Variants in ERP44 observed in about 807,000 individuals in gnomAD.
ERP44 encodes endoplasmic reticulum resident protein 44.
ERP44 carries 25 observed loss-of-function variants against 53.4 expected under a neutral mutation model. The ratio of observed to expected loss-of-function variants is 0.47; its 90% CI spans 0.34 to 0.65. ERP44 has a LOEUF of 0.65. ERP44 is among the 30% of genes least tolerant of loss of function. The pLI is 0.01. For missense variants in ERP44, 338 were observed against 493.2 expected, an observed-to-expected ratio of 0.69 and a Z score of 2.98; for synonymous variants, 145 against 161.2, an observed-to-expected ratio of 0.90 and a Z score of 0.76.
chr9:99,987,522 G>A (rs996478481), intron 10 of ERP44, among the ~76,000 whole-genome samples: 2 of 152,184 alleles, frequency 1.3e-5, no homozygotes, highest in African/African-American at 2.4e-5. Flanking sequence ...TTTGACAAAT[G>A]AATACAAGGT....
intron 1 of ERP44, among the ~76,000 whole-genome samples, chr9:100,079,762 C>T (rs1826401691): frequency 6.6e-6 from 1 of 151,916 alleles, no homozygotes; most frequent in Non-Finnish European, 1.5e-5. Context: ...AGCAAGACCC[C>T]TCTCTCACTG....
chr9:100,049,813 T>C (rs905792001), intron 4 of ERP44, among the ~76,000 whole-genome samples: 4 of 152,200 alleles, frequency 2.6e-5, no homozygotes, highest in Admixed American at 2.6e-4. Context: ...TATCTGAATG[T>C]TTATAACAGC....
At position 100,022,246 on chromosome 9, in the gene ERP44, T is replaced by A; in HGVS notation, c.287-20A>T. 8 of 1,596,958 alleles carry A rather than the reference T, an allele frequency of 5.0e-6. No homozygotes were observed. Among genetic ancestry groups the A allele is most frequent in the Non-Finnish European group, 6.8e-6 (8 of 1,171,226 alleles). On this transcript the variant is annotated intron_variant, in intron 4 of 11. Transcript: ENST00000262455. ...TGTCAGCTAAAAGAATGAAAAAAAATTATTTACCCTCATATGTAGTCAGGG... is the reference window on the plus strand; with the variant it reads ...TGTCAGCTAAAAGAATGAAAAAAAAATATTTACCCTCATATGTAGTCAGGG...
intron 4 of ERP44, among the ~76,000 whole-genome samples, chr9:100,045,049 C>G (rs1825952177): frequency 6.6e-6 from 1 of 152,092 alleles, no homozygotes; most frequent in Admixed American, 6.5e-5. Context: ...AGTCTGGCTC[C>G]CTCCATTTAC....
intron 6 of ERP44, among the ~76,000 whole-genome samples, chr9:100,018,610 A>G (rs1396100116): frequency 1.3e-5 from 2 of 152,170 alleles, no homozygotes; most frequent in African/African-American, 2.4e-5. Flanking sequence ...GTTTGGTCAC[A>G]TGGACTAATT....
intron 1 of ERP44, among the ~76,000 whole-genome samples, chr9:100,096,402 T>C (rs1826629509): frequency 6.6e-6 from 1 of 151,650 alleles, no homozygotes; most frequent in African/African-American, 2.4e-5. Context: ...CAAATAAATA[T>C]ATATATAAAA....
intron 1 of ERP44, among the ~76,000 whole-genome samples, chr9:100,064,728 A>G (rs900297159): frequency 4.6e-5 from 7 of 152,196 alleles, no homozygotes; most frequent in South Asian, 2.1e-4. Context: ...TGAAGCTGAA[A>G]AATTCCTGGA....
intron 10 of ERP44, among the ~76,000 whole-genome samples, chr9:99,993,975 G>C (rs1278030283): frequency 6.6e-6 from 1 of 152,194 alleles, no homozygotes. Context: ...ACACCAGTTA[G>C]AATGGCAATC....
chr9:99,999,160 CCCCCCGACCCTGT>C, intron 10 of ERP44: 1 of 538,038 alleles, frequency 1.9e-6, no homozygotes, highest in Non-Finnish European at 3.3e-6. Context: ...CAGGGCTCCG[CCCCCCGACCCTGT>C]CCCCCGCCCC....
At position 100,016,366 on chromosome 9, in the gene ERP44, T is replaced by A; in HGVS notation, c.718A>T (p.Lys240Ter). 1 of 1,613,160 alleles carries A rather than the reference T, an allele frequency of 6.2e-7. No homozygotes were observed. Among genetic ancestry groups the A allele is most frequent in the Non-Finnish European group, 8.5e-7 (1 of 1,179,688 alleles). ...FDVTYNWIQD[K>*]CVPLVREITF... Reference sequence around the variant, plus strand: ...ATTTCTCGGACAAGAGGAACACATTTATCTTGAATCCAATTGTAAGTCACA... The same window carrying A: ...ATTTCTCGGACAAGAGGAACACATTAATCTTGAATCCAATTGTAAGTCACA... Residue 240 changes from lysine to a stop codon, truncating the protein, a stop_gained, in exon 8 of 12, where the codon AAA becomes TAA. Transcript: ENST00000262455. LOFTEE classifies it high-confidence loss of function.
intron 4 of ERP44, among the ~76,000 whole-genome samples, chr9:100,023,901 T>C (rs1040570914): frequency 2.0e-5 from 3 of 152,176 alleles, no homozygotes; most frequent in Non-Finnish European, 4.4e-5. Flanking sequence ...ATGCCTGTAA[T>C]CCCAGAAGTT....
chr9:100,058,432 G>A (rs541942883), intron 2 of ERP44, among the ~76,000 whole-genome samples: 14 of 152,232 alleles, frequency 9.2e-5, no homozygotes, highest in African/African-American at 3.4e-4. Flanking sequence ...TCCAGATAAG[G>A]CAAGTAAGCT....
At chr9:100,009,715 A>C (rs1189087431) in intron 8 of ERP44, among the ~76,000 whole-genome samples, 1 of 152,160 alleles carries the variant, frequency 6.6e-6, no homozygotes, top group East Asian at 1.9e-4. Flanking sequence ...TACAAAATCC[A>C]AGCCTAGGTT....
In ERP44 at chr9:100,063,075, C is replaced by CAAAA. The variant is rs58004954; in HGVS notation, c.58-2907_58-2904dup. Among the ~76,000 whole-genome samples, 142 of 40,060 alleles carry CAAAA rather than the reference C, an allele frequency of 3.5e-3. 23 individuals carry two copies. Among genetic ancestry groups the CAAAA allele is most frequent in the East Asian group, 7.9e-3 (6 of 756 alleles). 26.3% of individuals were successfully genotyped at this position (40,060 alleles called of 152,430 possible). On this transcript the variant is annotated intron_variant, in intron 1 of 11. Coordinates refer to ENST00000262455, the MANE Select transcript of ERP44 (RefSeq NM_015051.3). ...GATGACAGAACAGGACCCTGTCTCA[C>CAAAA]AAAAAAAAAAAAAAAAAAGAGAGAG...
chr9:100,081,980 A>C (rs1826431973), intron 1 of ERP44, among the ~76,000 whole-genome samples: 1 of 152,190 alleles, frequency 6.6e-6, no homozygotes, highest in Non-Finnish European at 1.5e-5. Context: ...TAAGATTAAT[A>C]TACAAAATTA....
intron 1 of ERP44, among the ~76,000 whole-genome samples, chr9:100,073,854 C>G (rs774538225): frequency 6.6e-6 from 1 of 152,160 alleles, no homozygotes; most frequent in African/African-American, 2.4e-5. Flanking sequence ...GTCCAGGAAA[C>G]AGAAACACAA....
In ERP44 at chr9:100,065,863, G is replaced by A. The variant is rs1404835315; in HGVS notation, c.58-5691C>T. 4.6e-5 allele frequency among the ~76,000 whole-genome samples: 7 copies of A among 152,336 alleles called. No individual in the cohort carries two copies. The South Asian group carries it at 1.4e-3, about 32-fold the overall frequency. The stretch of plus-strand genomic sequence containing the variant: ...AGATTTCTAATTCATAGACGCATTA[G>A]CTAGGTGTCAAGTGTTTTCTTAGAA... On this transcript the variant is annotated intron_variant, in intron 1 of 11. Coordinates refer to ENST00000262455, the MANE Select transcript of ERP44 (RefSeq NM_015051.3).
intron 4 of ERP44, among the ~76,000 whole-genome samples, chr9:100,042,454 T>C (rs1178720094): frequency 6.6e-6 from 1 of 152,220 alleles, no homozygotes; most frequent in Non-Finnish European, 1.5e-5. Flanking sequence ...CTTGCACTGT[T>C]GGTAGGAATG....
intron 10 of ERP44, among the ~76,000 whole-genome samples, chr9:99,997,171 G>A (rs1830320256): frequency 6.6e-6 from 1 of 152,126 alleles, no homozygotes; most frequent in African/African-American, 2.4e-5. Flanking sequence ...CCAGTAGCGG[G>A]ATTGCTGTAT....
Sources: allele counts gnomAD v4.1 joint callset (sites outside exome capture counted in the v4.1 genomes callset), GRCh38; gene constraint gnomAD v4.1.1; transcripts MANE v1.5; gene names NCBI Gene and HGNC (gene_info 2026-07-23, HGNC 2026-07-21).